Variants in PLBD2 observed in about 807,000 individuals in gnomAD.
PLBD2 encodes the protein phospholipase B domain containing 2.
PLBD2 carries 51 observed loss-of-function variants against 68.3 expected under a neutral mutation model. That is an observed-to-expected ratio of 0.75 (90% CI 0.60 to 0.94). The LOEUF (loss-of-function observed/expected upper bound fraction) is 0.94, where lower values mean the gene tolerates loss of function less well. Among genes scored for constraint, PLBD2 ranks in the 40% least tolerant of loss-of-function variants. The pLI, the probability that PLBD2 is intolerant of heterozygous loss-of-function variation, is 0.00. For missense variants in PLBD2, 729 were observed against 792.2 expected (o/e 0.92, Z 0.96); for synonymous variants, 314 against 339.3 (o/e 0.93, Z 0.82).
chr12:113,367,672 C>G (rs1376585771), intron 1 of PLBD2, among the ~76,000 whole-genome samples: 2 of 150,926 alleles, frequency 1.3e-5, no homozygotes, highest in Admixed American at 6.6e-5. Context: ...ATAGTTTGAG[C>G]CTGGGAGGCC....
intron 1 of PLBD2, among the ~76,000 whole-genome samples, chr12:113,366,328 T>C (rs570367637): frequency 1.3e-5 from 2 of 152,284 alleles, no homozygotes; most frequent in Admixed American, 6.5e-5. Flanking sequence ...CCGCTAGTTA[T>C]AGAAATGACA....
intron 5 of PLBD2, among the ~76,000 whole-genome samples, chr12:113,380,454 A>G (rs770828462): frequency 6.6e-6 from 1 of 152,014 alleles, no homozygotes; most frequent in Non-Finnish European, 1.5e-5. Context: ...CTTTTTAATC[A>G]TGTTTTTTTC....
intron 5 of PLBD2, among the ~76,000 whole-genome samples, chr12:113,376,502 G>A (rs774726161): frequency 1.3e-5 from 2 of 152,190 alleles, no homozygotes; most frequent in Non-Finnish European, 2.9e-5. Flanking sequence ...CAGGTGGCCA[G>A]CCCAGGCTCA....
At chr12:113,380,704 G>A in intron 5 of PLBD2, 41 bp from the exon 6 acceptor site, 1 of 1,512,746 alleles carries the variant, frequency 6.6e-7, no homozygotes. Context: ...CTCCACCTGT[G>A]CCTGTCTGAC....
At chr12:113,365,312 G>A (rs949835834) in intron 1 of PLBD2, among the ~76,000 whole-genome samples, 53 of 152,108 alleles carry the variant, frequency 3.5e-4, no homozygotes, top group Middle Eastern at 3.4e-3. Flanking sequence ...CATGTCATAC[G>A]GTTGTTGGAA....
chr12:113,369,995 G>C (rs955614260), intron 2 of PLBD2, among the ~76,000 whole-genome samples: 6 of 151,920 alleles, frequency 3.9e-5, no homozygotes, highest in African/African-American at 1.4e-4. Flanking sequence ...TGCTTCCCAG[G>C]TTCAAGTGAT....
intron 5 of PLBD2, among the ~76,000 whole-genome samples, chr12:113,375,519 A>C (rs2136912724): frequency 6.6e-6 from 1 of 152,288 alleles, no homozygotes. Context: ...CAGTTACCCC[A>C]AAATTTAAAA....
chr12:113,358,734 CG>C lies in PLBD2; in HGVS notation c.140del (p.Gly47AlafsTer89), dbSNP rs1169068604. On this transcript the variant is annotated frameshift_variant, in exon 1 of 12. Transcript: ENST00000280800. LOFTEE classifies it high-confidence loss of function. ...GGCCTGGCGGGGGCGATCCCAGCGCCGGGGGGCCGCTGGGCGCGCGATGGGC... is the reference window on the plus strand; with the variant it reads ...GGCCTGGCGGGGGCGATCCCAGCGCCGGGGGCCGCTGGGCGCGCGATGGGC... ...LSGLAGAIPA[P>X]GGRWARDGQV... is the part of the protein sequence containing the mutation. 5.7e-6 allele frequency: 8 copies of C among 1,391,344 alleles called. No individual in the cohort carries two copies. The highest frequency in any genetic ancestry group is 1.7e-5 in the South Asian group (1 of 59,656). The allele number at this position is 1,391,344 out of a possible 1,614,324, so 86.2% of individuals were successfully genotyped here.
intron 6 of PLBD2, 85 bp downstream of exon 6, chr12:113,380,927 AGTGGGG>A: frequency 1.5e-6 from 2 of 1,294,062 alleles, no homozygotes; most frequent in South Asian, 2.5e-5. Context: ...TCCTGCGGCA[AGTGGGG>A]ACCAGGCTGC....
rs2136921685 is a variant in PLBD2, at chr12:113,384,111, C to T, written c.964C>T (p.Leu322=). Residue 322 remains leucine, a synonymous_variant, in exon 7 of 12, where the codon CTG becomes TTG. Coordinates refer to ENST00000280800, the MANE Select transcript of PLBD2 (RefSeq NM_173542.4). The surrounding 1 kb of genome is among the most constrained non-coding windows in gnomAD (Gnocchi z 4.2). ...FYILGSGLVT[L]ETTIGNKNPA... is the part of the protein sequence containing the mutation. ...CCCCTTGACCTTCCCACAGGTGACA[C>T]TGGAGACCACCATTGGCAACAAGAA... 6.2e-7 allele frequency: 1 copy of T among 1,607,702 alleles called. No homozygotes were observed. Among genetic ancestry groups the T allele is most frequent in the Non-Finnish European group, 8.5e-7 (1 of 1,176,000 alleles).
intron 2 of PLBD2, among the ~76,000 whole-genome samples, chr12:113,371,339 G>A (rs1308105738): frequency 6.6e-6 from 1 of 152,254 alleles, no homozygotes; most frequent in Admixed American, 6.5e-5. Context: ...AGGTGGAGGT[G>A]CACAGTGCAG....
At chr12:113,361,139 G>C (rs1957289748) in intron 1 of PLBD2, among the ~76,000 whole-genome samples, 1 of 151,908 alleles carries the variant, frequency 6.6e-6, no homozygotes, top group South Asian at 2.1e-4. Flanking sequence ...CAGAATCTCT[G>C]ATCTGTGGGG....
At chr12:113,380,142 T>C (rs1957472846) in intron 5 of PLBD2, among the ~76,000 whole-genome samples, 1 of 152,168 alleles carries the variant, frequency 6.6e-6, no homozygotes, top group Non-Finnish European at 1.5e-5. Context: ...TTTATTTATT[T>C]ATTTATTTTT....
intron 1 of PLBD2, among the ~76,000 whole-genome samples, chr12:113,362,842 T>C (rs1461922125): frequency 6.6e-6 from 1 of 151,662 alleles, no homozygotes; most frequent in Non-Finnish European, 1.5e-5. Flanking sequence ...TGGAGTGCAG[T>C]GGCATGATCT....
In PLBD2 at chr12:113,391,603, AGGTTGGGGTCTGG is replaced by A. The variant is rs1429751193; in HGVS notation, c.*2985_*2997del. 1 of 152,206 alleles carries A rather than the reference AGGTTGGGGTCTGG, an allele frequency of 6.6e-6. No homozygotes were observed. The highest frequency in any genetic ancestry group is 1.5e-5 in the Non-Finnish European group (1 of 68,046). 9.4% of individuals were successfully genotyped at this position (152,206 alleles called of 1,614,324 possible). ...GTAAACCCGTGGAGAAAATAAAGCA[AGGTTGGGGTCTGG>A]GGTTGGGAATTGACTTGTGGTTTTA... On this transcript the variant is annotated 3_prime_UTR_variant, in exon 12 of 12. Coordinates refer to ENST00000280800, the MANE Select transcript of PLBD2 (RefSeq NM_173542.4).
At chr12:113,374,624 C>T in intron 4 of PLBD2, 50 bp downstream of exon 4, 1 of 1,498,658 alleles carries the variant, frequency 6.7e-7, no homozygotes, top group Non-Finnish European at 9.1e-7. Flanking sequence ...GCCACACACT[C>T]ATAGTCGGAC....
intron 2 of PLBD2, among the ~76,000 whole-genome samples, chr12:113,369,941 C>T (rs1211622835): frequency 6.6e-6 from 1 of 151,794 alleles, no homozygotes; most frequent in Non-Finnish European, 1.5e-5. Flanking sequence ...GCTCTGTCAC[C>T]CAGGCTGGAG....
At chr12:113,387,591 AG>A (rs926959120) in intron 10 of PLBD2, among the ~76,000 whole-genome samples, 152 bp from the exon 11 acceptor site, 3 of 152,176 alleles carry the variant, frequency 2.0e-5, no homozygotes, top group African/African-American at 7.2e-5. Flanking sequence ...TCCGGGCCCC[AG>A]GCAGAGGAAC....
chr12:113,361,414 A>T (rs1023748032), intron 1 of PLBD2, among the ~76,000 whole-genome samples: 3 of 135,120 alleles, frequency 2.2e-5, no homozygotes, highest in African/African-American at 8.5e-5. Flanking sequence ...ATCATGGCTC[A>T]CTGCAGCCTT....
Sources: allele counts gnomAD v4.1 joint callset (sites outside exome capture counted in the v4.1 genomes callset), GRCh38; gene constraint gnomAD v4.1.1; non-coding constraint Gnocchi (gnomAD v3.1); transcripts MANE v1.5; gene names NCBI Gene and HGNC (gene_info 2026-07-23, HGNC 2026-07-21).